Variants in LRIT3 observed in about 807,000 individuals in gnomAD.
LRIT3 encodes the protein leucine-rich repeat, immunoglobulin-like domain and transmembrane domain-containing protein 3.
In LRIT3, 14 loss-of-function variants were observed where a neutral mutation model predicts 22.6. The observed-to-expected ratio is 0.62, with a 90% CI of 0.41 to 0.97. The LOEUF (loss-of-function observed/expected upper bound fraction) is 0.97, where lower values mean the gene tolerates loss of function less well. Among genes scored for constraint, LRIT3 ranks in the 50% least tolerant of loss-of-function variants. LRIT3 has a pLI of 0.00. For synonymous variants in LRIT3, 306 were observed against 304.5 expected, an observed-to-expected ratio of 1.01 and a Z score of -0.05; for missense variants, 783 against 803.0, an observed-to-expected ratio of 0.98 and a Z score of 0.30.
Position 109,851,766 on chromosome 4 carries a change from G to A in LRIT3, c.379G>A (p.Asp127Asn), listed in dbSNP as rs148810231. The change falls in exon 2 of 4, where the codon GAC (aspartate) becomes AAC (asparagine). Residue 127 changes from aspartate to asparagine, a missense_variant. Asp to Asn is a conservative substitution (Grantham distance 23). Transcript: ENST00000594814. ...LAAFPWASLL[D>N]MPLLRTLDLH... ...TGCTTTCCCTTGGGCATCTCTGCTGGACATGCCCCTTCTGAGGACCCTGGA... is the reference window on the plus strand; with the variant it reads ...TGCTTTCCCTTGGGCATCTCTGCTGAACATGCCCCTTCTGAGGACCCTGGA... The A allele has an allele frequency of 1.3e-6, 2 of 1,551,720 alleles. No homozygotes were observed. The highest frequency in any genetic ancestry group is 2.0e-5 in the Admixed American group (1 of 50,998).
intron 2 of LRIT3, among the ~76,000 whole-genome samples, chr4:109,862,021 G>T (rs375592482): frequency 2.0e-5 from 3 of 152,134 alleles, no homozygotes; most frequent in Admixed American, 1.3e-4. Context: ...TTGCAAACAC[G>T]TGTCCACTTG....
intron 2 of LRIT3, among the ~76,000 whole-genome samples, chr4:109,855,325 T>C (rs909432054): frequency 5.3e-5 from 8 of 152,208 alleles, no homozygotes; most frequent in Non-Finnish European, 1.0e-4. Flanking sequence ...AGTTTATTTG[T>C]GTAGAGGTGT....
rs529715360 is a variant in LRIT3, at chr4:109,864,741, T to G, written c.590-2900T>G. On this transcript the variant is annotated intron_variant, in intron 2 of 3. Transcript: ENST00000594814. ...AAAGGATTTCAGCCTTTGGAAGAGG[T>G]TCATGATTCCCCCTCCCCTCCATTT... Among the ~76,000 whole-genome samples the G allele has an allele frequency of 2.0e-5, 3 of 152,220 alleles. No homozygotes were observed. In the South Asian group the frequency reaches 6.2e-4, roughly 32 times the overall value.
intron 2 of LRIT3, among the ~76,000 whole-genome samples, chr4:109,864,143 T>A (rs1452836417): frequency 3.3e-5 from 5 of 152,164 alleles, no homozygotes; most frequent in Non-Finnish European, 7.3e-5. Flanking sequence ...TTGACACAAA[T>A]TTATAGATAT....
chr4:109,854,899 C>T (rs929604665), intron 2 of LRIT3, among the ~76,000 whole-genome samples: 6 of 152,084 alleles, frequency 3.9e-5, no homozygotes, highest in African/African-American at 9.7e-5. Flanking sequence ...GTTGAACAAG[C>T]GTTGCATCCC....
At chr4:109,865,042 G>A (rs1734642582) in intron 2 of LRIT3, 1 of 1,399,760 alleles carries the variant, frequency 7.1e-7, no homozygotes, top group Non-Finnish European at 9.3e-7. Context: ...TTTACTGAGT[G>A]ATGATGGATT....
chr4:109,862,163 A>T (rs1325000030), intron 2 of LRIT3, among the ~76,000 whole-genome samples: 1 of 152,200 alleles, frequency 6.6e-6, no homozygotes, highest in African/African-American at 2.4e-5. Flanking sequence ...TTTGTACAAA[A>T]ATTTATTGCT....
intron 2 of LRIT3, among the ~76,000 whole-genome samples, chr4:109,854,201 G>T (rs1225051320): frequency 6.6e-6 from 1 of 152,096 alleles, no homozygotes; most frequent in African/African-American, 2.4e-5. Context: ...TCACAATATT[G>T]ATTCTTCCTA....
Position 109,870,162 on chromosome 4 carries a change from G to A in LRIT3, c.1413G>A (p.Glu471=), listed in dbSNP as rs1285628526. Residue 471 remains glutamate, a synonymous_variant, in exon 4 of 4, where the codon GAG becomes GAA. Transcript: ENST00000594814. ...CAGCCAGCACAAGTAAGAAAGAAGA[G>A]CTGGCATTGTTGGATCAAACAATGC... ...LPPASTSKKE[E]LALLDQTMLT... is the part of the protein sequence containing the mutation. The A allele has an allele frequency of 2.2e-5, 36 of 1,614,194 alleles. No homozygotes were observed. The highest frequency in any genetic ancestry group is 3.1e-5 in the Non-Finnish European group (36 of 1,180,028).
Position 109,867,694 on chromosome 4 carries a change from T to C in LRIT3, c.643T>C (p.Leu215=). The C allele has an allele frequency of 6.2e-7, 1 of 1,614,176 alleles. No homozygotes were observed. Among genetic ancestry groups the C allele is most frequent in the Non-Finnish European group, 8.5e-7 (1 of 1,180,004 alleles). ...CDCHISKMIE[L]SKVVDPAIVL... Reference sequence around the variant, plus strand: ...CTGTCATATTTCCAAAATGATTGAGTTGTCAAAGGTCGTTGACCCTGCTAT... The same window carrying C: ...CTGTCATATTTCCAAAATGATTGAGCTGTCAAAGGTCGTTGACCCTGCTAT... Residue 215 remains leucine, a synonymous_variant, in exon 3 of 4, where the codon TTG becomes CTG. Transcript: ENST00000594814.
chr4:109,863,593 G>T (rs1734601639), intron 2 of LRIT3, among the ~76,000 whole-genome samples: 1 of 152,164 alleles, frequency 6.6e-6, no homozygotes, highest in Non-Finnish European at 1.5e-5. Context: ...CAAGAGAACA[G>T]CTTTGGAGGT....
At chr4:109,850,360 T>TTCCC (rs1734185363) in intron 1 of LRIT3, among the ~76,000 whole-genome samples, 5 of 264 alleles carry the variant, frequency 0.019, no homozygotes, top group South Asian at 0.077. Context: ...GTTGTCTTCC[T>TTCCC]TCCTTCCTTC....
chr4:109,863,325 C>A (rs1020825024), intron 2 of LRIT3, among the ~76,000 whole-genome samples: 3 of 152,164 alleles, frequency 2.0e-5, no homozygotes, highest in Non-Finnish European at 2.9e-5. Context: ...CAAATCCTGG[C>A]TGTCCAATTG....
intron 2 of LRIT3, chr4:109,865,391 C>A: frequency 7.9e-7 from 1 of 1,262,220 alleles, no homozygotes; most frequent in Non-Finnish European, 1.1e-6. Context: ...AATGTGGTAT[C>A]TGGTGGTGAA....
chr4:109,868,383 C>G (rs1416879357), intron 3 of LRIT3, among the ~76,000 whole-genome samples: 2 of 151,966 alleles, frequency 1.3e-5, no homozygotes, highest in Admixed American at 1.3e-4. Context: ...CCAGCCTGGC[C>G]AACATGGCAA....
intron 2 of LRIT3, among the ~76,000 whole-genome samples, chr4:109,854,741 T>G (rs570757308): frequency 6.6e-6 from 1 of 152,338 alleles, no homozygotes; most frequent in East Asian, 1.9e-4. Flanking sequence ...TTGAGATACA[T>G]TCCATCAATA....
rs1734809319 is a variant in LRIT3, at chr4:109,870,543, G to A, written c.1794G>A (p.Leu598=). ...CTGCCTGTGTTGTTATCTTACCATTGATTTGTTTCTTGTTGTACAAAGTTT... is the reference window on the plus strand; with the variant it reads ...CTGCCTGTGTTGTTATCTTACCATTAATTTGTTTCTTGTTGTACAAAGTTT... ...TSTACVVILP[L]ICFLLYKVCK... Residue 598 remains leucine (L), a synonymous_variant, in exon 4 of 4, where the codon TTG becomes TTA. Coordinates refer to ENST00000594814, the MANE Select transcript of LRIT3 (RefSeq NM_198506.5). The A allele has an allele frequency of 1.2e-6, 2 of 1,614,108 alleles. No homozygotes were observed. Among genetic ancestry groups the A allele is most frequent in the South Asian group, 2.2e-5 (2 of 91,058 alleles).
Position 109,870,881 on chromosome 4 carries a change from C to A in LRIT3, c.*92C>A. 1 of 1,305,402 alleles carries A rather than the reference C, an allele frequency of 7.7e-7. No homozygotes were observed. The allele number at this position is 1,305,402 out of a possible 1,614,324, so 80.9% of individuals were successfully genotyped here. On this transcript the variant is annotated 3_prime_UTR_variant, in exon 4 of 4. Transcript: ENST00000594814. ...TGGATGACTTTTGGACAGACTTTCA[C>A]ATTGTACATGAAAATCACAAATGGA...
chr4:109,863,847 A>G (rs1734606961), intron 2 of LRIT3, among the ~76,000 whole-genome samples: 1 of 152,174 alleles, frequency 6.6e-6, no homozygotes, highest in South Asian at 2.1e-4. Context: ...AGTTGCTGGC[A>G]AACTGGAATA....
Sources: gnomAD v4.1 joint callset for allele counts (sites outside exome capture counted in the v4.1 genomes callset) on GRCh38, gnomAD v4.1.1 for gene constraint, MANE v1.5 for transcripts, NCBI Gene and HGNC (gene_info 2026-07-23, HGNC 2026-07-21) for gene names.